GSTCD: variants seen among roughly 807,000 people sequenced by gnomAD.
GSTCD encodes glutathione S-transferase C-terminal domain-containing protein.
In GSTCD, 44 loss-of-function variants were observed where a neutral mutation model predicts 68.3. The observed-to-expected ratio is 0.64, with a 90% CI of 0.51 to 0.83. The LOEUF (loss-of-function observed/expected upper bound fraction) is 0.83. Ranked by LOEUF, GSTCD falls within the 40% of genes least tolerant of loss-of-function variation. GSTCD has a pLI of 0.00. For missense variants in GSTCD, 739 were observed against 735.9 expected (o/e 1.00, Z -0.05); for synonymous variants, 273 against 255.2 (o/e 1.07, Z -0.67).
chr4:105,774,897 T>C (rs547658708), intron 5 of GSTCD, among the ~76,000 whole-genome samples: 1 of 152,194 alleles, frequency 6.6e-6, no homozygotes, highest in African/African-American at 2.4e-5. Context: ...AAATTGGGCC[T>C]ATCTTTCTAG....
intron 5 of GSTCD, among the ~76,000 whole-genome samples, chr4:105,794,698 C>T (rs1282125049): frequency 1.2e-4 from 18 of 151,684 alleles, no homozygotes; most frequent in Admixed American, 1.2e-3. Flanking sequence ...TCAACATATC[C>T]TCACCAAGAA....
rs375264480 is a variant in GSTCD at position 105,832,253 on chromosome 4, A to G, written c.1531-2208A>G. Among the ~76,000 whole-genome samples, 17 of 152,050 alleles carry G rather than the reference A, an allele frequency of 1.1e-4. No homozygotes were observed. The East Asian group carries it at 1.4e-3, about 12-fold the overall frequency. ...ATTGTATGATAAATTTCCATATCCAATGGTTTTTTTTTGGTCTATATCTCT... is the reference window on the plus strand; with the variant it reads ...ATTGTATGATAAATTTCCATATCCAGTGGTTTTTTTTTGGTCTATATCTCT... On this transcript the variant is annotated intron_variant, in intron 8 of 11. Coordinates refer to ENST00000515279, the MANE Select transcript of GSTCD (RefSeq NM_001370181.1).
chr4:105,772,998 T>G (rs1297536930), intron 5 of GSTCD, among the ~76,000 whole-genome samples: 1 of 152,156 alleles, frequency 6.6e-6, no homozygotes, highest in Non-Finnish European at 1.5e-5. Flanking sequence ...GGACTTTTTT[T>G]GGTTGGTAGG....
At chr4:105,845,373 C>A in intron 11 of GSTCD, 68 bp from the exon 12 acceptor site, 1 of 1,588,960 alleles carries the variant, frequency 6.3e-7, no homozygotes, top group Non-Finnish European at 8.6e-7. Flanking sequence ...ATATAGATTC[C>A]CTTAAACAAA....
intron 5 of GSTCD, among the ~76,000 whole-genome samples, chr4:105,767,202 T>C (rs528625085): frequency 6.6e-6 from 1 of 152,228 alleles, no homozygotes; most frequent in African/African-American, 2.4e-5. Flanking sequence ...GAATAGGGTT[T>C]GAACAGTTGA....
intron 11 of GSTCD, 89 bp downstream of exon 11, chr4:105,842,223 C>A: frequency 1.0e-6 from 1 of 959,786 alleles, no homozygotes; most frequent in Non-Finnish European, 1.6e-6. Context: ...AAAAATTTAG[C>A]AACATGAAGT....
rs184619758 is a variant in GSTCD at position 105,714,400 on chromosome 4, A to G, written c.-21-3193A>G. On this transcript the variant is annotated intron_variant, in intron 1 of 11. Transcript: ENST00000515279. Reference sequence around the variant, plus strand: ...GATTCTATAGTACCTACCTTCTTAAAGCTCGTGACAGAAAATTAGCGAACT... The same window carrying G: ...GATTCTATAGTACCTACCTTCTTAAGGCTCGTGACAGAAAATTAGCGAACT... Among the ~76,000 whole-genome samples the G allele has an allele frequency of 7.6e-3, 1,150 of 152,194 alleles. 17 individuals carry two copies. Among genetic ancestry groups the G allele is most frequent in the Admixed American group, 0.044 (679 of 15,280 alleles).
chr4:105,759,166 T>C (rs1734305376), intron 5 of GSTCD, among the ~76,000 whole-genome samples: 1 of 152,176 alleles, frequency 6.6e-6, no homozygotes, highest in South Asian at 2.1e-4. Context: ...CTTAAGAGTA[T>C]GACAGTCTCA....
chr4:105,742,139 C>A (rs1460590367), intron 5 of GSTCD, among the ~76,000 whole-genome samples: 1 of 152,028 alleles, frequency 6.6e-6, no homozygotes, highest in Non-Finnish European at 1.5e-5. Flanking sequence ...ATTATAATAA[C>A]CATTCTTTTT....
rs1724031518 is a variant in GSTCD at position 105,834,510 on chromosome 4, G to A, written c.1580G>A (p.Cys527Tyr). 1 of 1,613,996 alleles carries A rather than the reference G, an allele frequency of 6.2e-7. No individual in the cohort carries two copies. The highest frequency in any genetic ancestry group is 1.1e-5 in the South Asian group (1 of 91,084). The stretch of plus-strand genomic sequence containing the variant: ...GCAACAGACATGGTGATTGAGCACT[G>A]TATCAAAACACGGGCTTCCTTCGTC... ...GVATDMVIEH[C>Y]IKTRASFVTC... Residue 527 changes from cysteine (C) to tyrosine (Y), a missense_variant, in exon 9 of 12, where the codon TGT (cysteine) becomes TAT (tyrosine). Physicochemically the swap from Cys to Tyr is radical, Grantham distance 194. Coordinates refer to ENST00000515279, the MANE Select transcript of GSTCD (RefSeq NM_001370181.1).
At chr4:105,762,326 A>G (rs1030885301) in intron 5 of GSTCD, among the ~76,000 whole-genome samples, 3 of 152,184 alleles carry the variant, frequency 2.0e-5, no homozygotes, top group African/African-American at 7.2e-5. Flanking sequence ...CTTTGTAAGG[A>G]TATTCTTAGC....
Position 105,710,234 on chromosome 4 carries a change from T to TTA in GSTCD, c.-22+1219_-22+1220insAT, listed in dbSNP as rs201529721. Among the ~76,000 whole-genome samples, 596 of 117,962 alleles carry TTA rather than the reference T, an allele frequency of 5.1e-3. 3 individuals are homozygous for TTA. The highest frequency in any genetic ancestry group is 0.031 in the Middle Eastern group (7 of 226). The allele number at this position is 117,962 out of a possible 152,430, so 77.4% of individuals were successfully genotyped here. A position where few individuals can be genotyped will look rare whatever the true frequency, so the allele number is the denominator to read the frequency against. On this transcript the variant is annotated intron_variant, in intron 1 of 11. Coordinates refer to ENST00000515279, the MANE Select transcript of GSTCD (RefSeq NM_001370181.1). ...CTTCTGTAGTAGTGGGCCCATCAAT[T>TTA]TTTTTTTTTTTTTTTTTTTTTGAGC...
At chr4:105,787,362 A>T (rs985652285) in intron 5 of GSTCD, among the ~76,000 whole-genome samples, 1 of 152,044 alleles carries the variant, frequency 6.6e-6, no homozygotes, top group Non-Finnish European at 1.5e-5. Context: ...GGGTACTTAG[A>T]TTGTTGTCCC....
chr4:105,834,707 C>T lies in GSTCD; in HGVS notation c.1664+113C>T, dbSNP rs1578522895. The T allele has an allele frequency of 1.7e-5, 14 of 819,174 alleles. No homozygotes were observed. The South Asian group carries it at 2.6e-4, about 15-fold the overall frequency. The allele number at this position is 819,174 out of a possible 1,614,324, so 50.7% of individuals were successfully genotyped here. A position where few individuals can be genotyped will look rare whatever the true frequency, so the allele number is the denominator to read the frequency against. On this transcript the variant is annotated intron_variant, in intron 9 of 11. Transcript: ENST00000515279. The stretch of plus-strand genomic sequence containing the variant: ...ATTTTTGGCTCATTTCTTCTTTCCA[C>T]AATGCCAAATATTGTTTGTAAATTG...
chr4:105,828,012 A>G (rs1723722248), intron 8 of GSTCD, among the ~76,000 whole-genome samples: 1 of 152,270 alleles, frequency 6.6e-6, no homozygotes, highest in South Asian at 2.1e-4. Flanking sequence ...CTCATTTTGC[A>G]TTAAAAACAA....
chr4:105,743,651 T>TCC (rs1158839935), intron 5 of GSTCD, among the ~76,000 whole-genome samples: 3 of 144,914 alleles, frequency 2.1e-5, no homozygotes, highest in African/African-American at 8.0e-5. Flanking sequence ...AAACAGGACA[T>TCC]TCTTTTTTTT....
At chr4:105,713,804 A>G (rs1330033600) in intron 1 of GSTCD, among the ~76,000 whole-genome samples, 1 of 151,664 alleles carries the variant, frequency 6.6e-6, no homozygotes, top group Non-Finnish European at 1.5e-5. Flanking sequence ...TGCAGCAGTT[A>G]TGCACTTTTT....
intron 5 of GSTCD, among the ~76,000 whole-genome samples, chr4:105,806,231 C>T (rs1435895171): frequency 6.6e-6 from 1 of 152,054 alleles, no homozygotes; most frequent in Non-Finnish European, 1.5e-5. Flanking sequence ...ACTTAGATAT[C>T]TCCAGTACAA....
intron 9 of GSTCD, among the ~76,000 whole-genome samples, chr4:105,835,544 A>G (rs1040551621): frequency 6.6e-6 from 1 of 152,086 alleles, no homozygotes; most frequent in Non-Finnish European, 1.5e-5. Context: ...TGGAAACGCC[A>G]GGAGCCACAG....
Sources: allele counts gnomAD v4.1 joint callset (sites outside exome capture counted in the v4.1 genomes callset), GRCh38; gene constraint gnomAD v4.1.1; transcripts MANE v1.5; gene names NCBI Gene and HGNC (gene_info 2026-07-23, HGNC 2026-07-21).